CALN1: variants seen among roughly 807,000 people sequenced by gnomAD.
CALN1 encodes the protein calneuron 1, also known as calcium-binding protein 8.
CALN1 carries 17 observed loss-of-function variants against 30.6 expected under a neutral mutation model. The observed-to-expected ratio is 0.56, with a 90% CI of 0.38 to 0.83. CALN1 has a LOEUF of 0.83. Among genes scored for constraint, CALN1 ranks in the 40% least tolerant of loss-of-function variants. The pLI, the probability that CALN1 is intolerant of heterozygous loss-of-function variation, is 0.00. For missense variants in CALN1, 291 were observed against 354.9 expected (o/e 0.82, Z 1.45); for synonymous variants, 156 against 131.4 (o/e 1.19, Z -1.28).
chr7:71,789,365 T>G (rs1163911955), intron 6 of CALN1, among the ~76,000 whole-genome samples: 1 of 152,084 alleles, frequency 6.6e-6, no homozygotes, highest in Non-Finnish European at 1.5e-5. Context: ...TGCAGTGAGC[T>G]GAGATCAGGC....
At chr7:72,322,942 A>T (rs537609686) in intron 2 of CALN1, among the ~76,000 whole-genome samples, 1 of 151,730 alleles carries the variant, frequency 6.6e-6, no homozygotes, top group East Asian at 1.9e-4. Flanking sequence ...CACAAAAATC[A>T]AAAAAATTTT....
At position 72,225,369 on chromosome 7, in the gene CALN1, C is replaced by G. The variant is rs531877395; in HGVS notation, c.244+53317G>C. ...GGTTCTTTTTCCAACTGACTCGATACTTAAGTGCCAATTACCATTCCCTGG... is the reference window on the plus strand; with the variant it reads ...GGTTCTTTTTCCAACTGACTCGATAGTTAAGTGCCAATTACCATTCCCTGG... On this transcript the variant is annotated intron_variant, in intron 3 of 6. Coordinates refer to ENST00000395275, the MANE Select transcript of CALN1 (RefSeq NM_031468.4). Among the ~76,000 whole-genome samples, 35 of 152,136 alleles carry G rather than the reference C, an allele frequency of 2.3e-4. No individual in the cohort carries two copies. In the South Asian group the frequency reaches 6.0e-3, roughly 26 times the overall value.
chr7:72,141,712 G>A (rs1809954157), intron 3 of CALN1, among the ~76,000 whole-genome samples: 1 of 152,040 alleles, frequency 6.6e-6, no homozygotes, highest in Admixed American at 6.6e-5. Context: ...AGGATTACAG[G>A]CATGCATCAC....
intron 5 of CALN1, among the ~76,000 whole-genome samples, chr7:71,868,199 T>C (rs1791700843): frequency 6.6e-6 from 1 of 152,058 alleles, no homozygotes; most frequent in Admixed American, 6.6e-5. Flanking sequence ...GACTGGGTAA[T>C]TTATAAAGAA....
chr7:72,072,187 A>G (rs966957679), intron 4 of CALN1, among the ~76,000 whole-genome samples: 1 of 152,206 alleles, frequency 6.6e-6, no homozygotes, highest in Non-Finnish European at 1.5e-5. Context: ...ACTTCATCTA[A>G]GATGAACTCA....
At chr7:72,400,525 C>G (rs1806269606) in intron 2 of CALN1, among the ~76,000 whole-genome samples, 1 of 152,170 alleles carries the variant, frequency 6.6e-6, no homozygotes, top group East Asian at 1.9e-4. Context: ...CCTCCAGAAT[C>G]TGATCAGTAA....
chr7:72,220,445 T>C (rs1466215918), intron 3 of CALN1, among the ~76,000 whole-genome samples: 8 of 151,692 alleles, frequency 5.3e-5, no homozygotes, highest in African/African-American at 9.7e-5. Context: ...TCTATTGTTG[T>C]TGGACATTTG....
At chr7:72,190,028 T>A (rs867449817) in intron 3 of CALN1, among the ~76,000 whole-genome samples, 1 of 152,090 alleles carries the variant, frequency 6.6e-6, no homozygotes. Context: ...TTCTCCAACT[T>A]GAGAAGTAAA....
intron 5 of CALN1, among the ~76,000 whole-genome samples, chr7:71,915,008 C>A (rs1794615013): frequency 6.6e-6 from 1 of 152,206 alleles, no homozygotes. Context: ...TACCCTACAA[C>A]TAAACAATGG....
chr7:72,001,165 G>C (rs960459285), intron 5 of CALN1, among the ~76,000 whole-genome samples: 2 of 150,862 alleles, frequency 1.3e-5, no homozygotes, highest in African/African-American at 4.9e-5. Flanking sequence ...CTGGTGATCA[G>C]CTTCTCAATA....
At position 71,779,733 on chromosome 7, in the gene CALN1, G is replaced by A. The variant is rs1023704519; in HGVS notation, c.*8042C>T. 6.6e-5 allele frequency: 10 copies of A among 151,918 alleles called. No homozygotes were observed. The highest frequency in any genetic ancestry group is 2.2e-4 in the African/African-American group (9 of 41,362). 9.4% of individuals were successfully genotyped at this position (151,918 alleles called of 1,614,324 possible). ...TTATATAAAGATTCTTTTTTGACTA[G>A]TCTGCTGACTTTCTCATCACTTAAT... is the stretch of plus-strand genomic sequence containing the variant. On this transcript the variant is annotated 3_prime_UTR_variant, in exon 7 of 7. Coordinates refer to ENST00000395275, the MANE Select transcript of CALN1 (RefSeq NM_031468.4).
At chr7:72,204,432 C>T (rs992717176) in intron 3 of CALN1, among the ~76,000 whole-genome samples, 1 of 152,076 alleles carries the variant, frequency 6.6e-6, no homozygotes, top group Admixed American at 6.5e-5. Context: ...ATATTGCATT[C>T]CAGTCCATGA....
intron 4 of CALN1, among the ~76,000 whole-genome samples, chr7:72,080,205 AT>A (rs1266004304): frequency 6.6e-6 from 1 of 152,168 alleles, no homozygotes; most frequent in African/African-American, 2.4e-5. Context: ...CTGTTACTTC[AT>A]TTTTTTCCCC....
intron 4 of CALN1, among the ~76,000 whole-genome samples, chr7:72,081,655 C>A (rs1805154766): frequency 6.6e-6 from 1 of 151,716 alleles, no homozygotes; most frequent in Non-Finnish European, 1.5e-5. Context: ...TTCCTAGGCT[C>A]ACGTGATCCT....
intron 5 of CALN1, among the ~76,000 whole-genome samples, chr7:71,934,053 G>A (rs2129520962): frequency 6.6e-6 from 1 of 152,290 alleles, no homozygotes; most frequent in East Asian, 1.9e-4. Flanking sequence ...CTGAGTTTTT[G>A]CATTGAAGCT....
At chr7:71,968,406 T>G (rs1797630660) in intron 5 of CALN1, among the ~76,000 whole-genome samples, 2 of 152,178 alleles carry the variant, frequency 1.3e-5, no homozygotes. Flanking sequence ...CAAAGGTACA[T>G]GAGGCCTTCT....
intron 5 of CALN1, among the ~76,000 whole-genome samples, chr7:71,821,216 G>A (rs559685482): frequency 7.9e-5 from 12 of 152,258 alleles, no homozygotes; most frequent in East Asian, 1.9e-4. Flanking sequence ...TGAAAGCCCC[G>A]AGGGATGCAT....
In CALN1 at chr7:72,297,103, T is replaced by A. The variant is rs181808057; in HGVS notation, c.120-18293A>T. Among the ~76,000 whole-genome samples, 383 of 152,298 alleles carry A rather than the reference T, an allele frequency of 2.5e-3. 3 individuals carry two copies. Among genetic ancestry groups the A allele is most frequent in the Middle Eastern group, 0.017 (5 of 294 alleles). On this transcript the variant is annotated intron_variant, in intron 2 of 6. Transcript: ENST00000395275. ...CCCTCTACACACTGCTTTGAATGCG[T>A]CCCAGAGACTCTGGTATGTTGTGTC...
At chr7:72,362,587 C>T (rs757308457) in intron 2 of CALN1, among the ~76,000 whole-genome samples, 4 of 152,160 alleles carry the variant, frequency 2.6e-5, no homozygotes, top group Non-Finnish European at 5.9e-5. Context: ...TCCATGGTGG[C>T]CTGGTTCCAG....
Sources: allele counts gnomAD v4.1 joint callset (sites outside exome capture counted in the v4.1 genomes callset), GRCh38; gene constraint gnomAD v4.1.1; transcripts MANE v1.5; gene names NCBI Gene and HGNC (gene_info 2026-07-23, HGNC 2026-07-21).